Variants in DICER1 observed in about 807,000 individuals in gnomAD.
DICER1 encodes dicer 1, ribonuclease III, also known as endoribonuclease Dicer.
DICER1 carries 43 observed loss-of-function variants against 194.1 expected under a neutral mutation model. That is an observed-to-expected ratio of 0.22 (90% CI 0.17 to 0.29). The LOEUF is 0.29. DICER1 is among the 10% of genes least tolerant of loss of function. DICER1 has a pLI of 1.00. For synonymous variants in DICER1, 832 were observed against 820.5 expected (o/e 1.01, Z -0.24); for missense variants, 1,608 against 2,317.0 (o/e 0.69, Z 6.28).
At chr14:95,104,938 A>G (rs185602523) in intron 20 of DICER1, 133 bp downstream of exon 20, 1 of 863,480 alleles carries the variant, frequency 1.2e-6, no homozygotes, top group South Asian at 1.6e-5. Flanking sequence ...GAGACTTGAC[A>G]AGACATAAGA....
At position 95,105,601 on chromosome 14, in the gene DICER1, T is replaced by C. The variant is rs1452549371; in HGVS notation, c.3093+77A>G. 5 of 1,138,322 alleles carry C rather than the reference T, an allele frequency of 4.4e-6. No homozygotes were observed. The highest frequency in any genetic ancestry group is 6.5e-6 in the Non-Finnish European group (5 of 763,504). 70.5% of individuals were successfully genotyped at this position (1,138,322 alleles called of 1,614,324 possible). On this transcript the variant is annotated intron_variant, in intron 19 of 26. Coordinates refer to ENST00000343455, the MANE Select transcript of DICER1 (RefSeq NM_177438.3). This position sits in a 1 kb window ranked among gnomAD's most constrained non-coding sequence, Gnocchi z 4.9. ...GAATCATGCATTTAACTTGGTAAGA[T>C]AAAATTCAAACTTATCTTTAATAAT... is the stretch of plus-strand genomic sequence containing the variant.
intron 1 of DICER1, among the ~76,000 whole-genome samples, chr14:95,148,516 C>T (rs1284670347): frequency 6.6e-5 from 10 of 152,212 alleles, no homozygotes; most frequent in African/African-American, 2.4e-4. Flanking sequence ...CATTAGCCTT[C>T]TTTTCATGCA....
chr14:95,113,008 T>A, intron 12 of DICER1, 84 bp downstream of exon 12: 1 of 1,412,772 alleles, frequency 7.1e-7, no homozygotes, highest in Non-Finnish European at 1.0e-6. Context: ...AATTTACCTA[T>A]AACTTGCAAG....
At chr14:95,100,902 C>T (rs934772368) in intron 21 of DICER1, among the ~76,000 whole-genome samples, 4 of 152,184 alleles carry the variant, frequency 2.6e-5, no homozygotes, top group African/African-American at 9.7e-5. Flanking sequence ...CGTGTGACCA[C>T]TATAGCCAAA....
At chr14:95,093,232 G>A (rs1368349058) in intron 24 of DICER1, among the ~76,000 whole-genome samples, 1 of 152,216 alleles carries the variant, frequency 6.6e-6, no homozygotes. Context: ...AGGAGGAAAT[G>A]AGAGTCTCTC....
intron 8 of DICER1, among the ~76,000 whole-genome samples, chr14:95,120,714 C>A (rs1311726168): frequency 6.6e-6 from 1 of 152,086 alleles, no homozygotes; most frequent in Non-Finnish European, 1.5e-5. Context: ...TGGATTATGG[C>A]CCAAAGTATA....
chr14:95,140,491 G>C (rs1317400259), intron 1 of DICER1, among the ~76,000 whole-genome samples: 1 of 152,138 alleles, frequency 6.6e-6, no homozygotes, highest in African/African-American at 2.4e-5. Flanking sequence ...GTAGGTTTAT[G>C]TTAATTAAGT....
intron 11 of DICER1, among the ~76,000 whole-genome samples, chr14:95,113,904 A>G (rs1200679546): frequency 1.3e-5 from 2 of 152,232 alleles, no homozygotes; most frequent in Non-Finnish European, 2.9e-5. Context: ...GAGACTGGCT[A>G]CATACAGGAA....
intron 1 of DICER1, among the ~76,000 whole-genome samples, chr14:95,155,782 T>C (rs372572881): frequency 2.6e-5 from 4 of 152,376 alleles, no homozygotes; most frequent in Admixed American, 6.5e-5. Context: ...TCAATGTTTA[T>C]AGTGACCATG....
At chr14:95,136,044 A>T (rs1465232101) in intron 1 of DICER1, among the ~76,000 whole-genome samples, 2 of 151,572 alleles carry the variant, frequency 1.3e-5, no homozygotes, top group African/African-American at 4.9e-5. Context: ...TGATACATGT[A>T]ACTTATTCTC....
rs533508351 is a variant in DICER1 at position 95,114,759 on chromosome 14, C to T, written c.1907+908G>A. On this transcript the variant is annotated intron_variant, in intron 11 of 26. Coordinates refer to ENST00000343455, the MANE Select transcript of DICER1 (RefSeq NM_177438.3). Reference sequence around the variant, plus strand: ...TAAGGGCACAAATCAACATGGTGTGCGACTTGGTAAGCTAGGATGAGGAGA... The same window carrying T: ...TAAGGGCACAAATCAACATGGTGTGTGACTTGGTAAGCTAGGATGAGGAGA... 8.7e-4 allele frequency among the ~76,000 whole-genome samples: 133 copies of T among 152,230 alleles called. 1 individual carries two copies. Among genetic ancestry groups the T allele is most frequent in the African/African-American group, 3.1e-3 (129 of 41,534 alleles).
Position 95,088,656 on chromosome 14 carries a change from A to G in DICER1, c.*1842T>C, listed in dbSNP as rs756438588. ...CCTAATTTGCTCAAAAACTCGTTTA[A>G]TAATTTAGATCTCAATTTAAGTTTA... On this transcript the variant is annotated 3_prime_UTR_variant, in exon 27 of 27. Transcript: ENST00000343455. 11 of 232,614 alleles carry G rather than the reference A, an allele frequency of 4.7e-5. No homozygotes were observed. Among genetic ancestry groups the G allele is most frequent in the Non-Finnish European group, 9.3e-5 (11 of 117,736 alleles). 14.4% of individuals were successfully genotyped at this position (232,614 alleles called of 1,614,324 possible).
rs1889415911 is a variant in DICER1 at position 95,087,353 on chromosome 14, T to A, written c.*3145A>T. On this transcript the variant is annotated 3_prime_UTR_variant, in exon 27 of 27. Coordinates refer to ENST00000343455, the MANE Select transcript of DICER1 (RefSeq NM_177438.3). ...TATAAAAGAAAAAAGAAAAGAAATA[T>A]AACAAACATTTTAAAAACATAATTA... 1 of 233,136 alleles carries A rather than the reference T, an allele frequency of 4.3e-6. No individual in the cohort carries two copies. The highest frequency in any genetic ancestry group is 2.2e-5 in the African/African-American group (1 of 45,312). The allele number at this position is 233,136 out of a possible 1,614,324, so 14.4% of individuals were successfully genotyped here. A position where few individuals can be genotyped will look rare whatever the true frequency, so the allele number is the denominator to read the frequency against.
Position 95,087,056 on chromosome 14 carries a change from A to C in DICER1, c.*3442T>G, listed in dbSNP as rs951790677. 1 of 233,054 alleles carries C rather than the reference A, an allele frequency of 4.3e-6. No homozygotes were observed. Among genetic ancestry groups the C allele is most frequent in the African/African-American group, 2.2e-5 (1 of 45,326 alleles). The allele number at this position is 233,054 out of a possible 1,614,324, so 14.4% of individuals were successfully genotyped here. On this transcript the variant is annotated 3_prime_UTR_variant, in exon 27 of 27. Transcript: ENST00000343455. ...TAACAGAGCAAGATCCAATATTTTA[A>C]ATCAACGGGGCCTTGTGCATGAACT...
rs529131866 is a variant in DICER1 at position 95,096,047 on chromosome 14, A to G, written c.4873T>C (p.Ser1625Pro). ...KNLSVSCAAA[S>P]VASSRSSVLK... ...ACAGAAGAGCGTGAACTGGCCACAG[A>G]AGCAGCAGCACAGCTCACTGAAAGG... The change falls in exon 23 of 27, where the codon TCT (serine) becomes CCT (proline). Residue 1625 changes from serine to proline, a missense_variant. This residue lies in a region of DICER1 where 125 missense variants were observed against 134.9 expected (regional missense o/e 0.93). Transcript: ENST00000343455. The G allele has an allele frequency of 7.4e-6, 12 of 1,614,254 alleles. No homozygotes were observed. The highest frequency in any genetic ancestry group is 6.7e-5 in the East Asian group (3 of 44,892).
At position 95,090,105 on chromosome 14, in the gene DICER1, A is replaced by G; in HGVS notation, c.*393T>C. The G allele has an allele frequency of 2.6e-6, 1 of 386,062 alleles. No individual in the cohort carries two copies. The highest frequency in any genetic ancestry group is 2.8e-5 in the South Asian group (1 of 35,226). The allele number at this position is 386,062 out of a possible 1,614,324, so 23.9% of individuals were successfully genotyped here. On this transcript the variant is annotated 3_prime_UTR_variant, in exon 27 of 27. Coordinates refer to ENST00000343455, the MANE Select transcript of DICER1 (RefSeq NM_177438.3). ...GGAGAGATGGAGAAGAATCTACATCATCCTAGGGACTGCTGGAGGTTTAAG... is the reference window on the plus strand; with the variant it reads ...GGAGAGATGGAGAAGAATCTACATCGTCCTAGGGACTGCTGGAGGTTTAAG...
intron 1 of DICER1, among the ~76,000 whole-genome samples, chr14:95,152,570 AAAAC>A (rs1895584443): frequency 6.6e-6 from 1 of 152,232 alleles, no homozygotes; most frequent in Non-Finnish European, 1.5e-5. Flanking sequence ...ATAAGCCTAA[AAAAC>A]AAAAAGAAAA....
chr14:95,130,668 C>G (rs1439025213), intron 4 of DICER1, among the ~76,000 whole-genome samples: 1 of 152,200 alleles, frequency 6.6e-6, no homozygotes. Flanking sequence ...CACTAGTAGG[C>G]TGGGCTGTTT....
chr14:95,105,794 T>C lies in DICER1; in HGVS notation c.2988-11A>G. The C allele has an allele frequency of 6.2e-7, 1 of 1,607,206 alleles. No individual in the cohort carries two copies. On this transcript the variant is annotated splice_polypyrimidine_tract_variant and intron_variant, in intron 18 of 26. Transcript: ENST00000343455. This position sits in a 1 kb window ranked among gnomAD's most constrained non-coding sequence, Gnocchi z 4.9. Reference sequence around the variant, plus strand: ...GTCAAAAGATTAAGTCTGTAAGAATTCCAAAACAATTTTATCAAACACACA... The same window carrying C: ...GTCAAAAGATTAAGTCTGTAAGAATCCCAAAACAATTTTATCAAACACACA...
Sources: allele counts gnomAD v4.1 joint callset (sites outside exome capture counted in the v4.1 genomes callset), GRCh38; gene constraint gnomAD v4.1.1; regional missense constraint gnomAD v4.1.1; non-coding constraint Gnocchi (gnomAD v3.1); transcripts MANE v1.5; gene names NCBI Gene and HGNC (gene_info 2026-07-23, HGNC 2026-07-21).